The following TRAK1 variants were observed in gnomAD, a reference collection of about 807,000 sequenced individuals.
TRAK1 encodes the protein trafficking kinesin protein 1.
A neutral mutation model predicts 92.1 loss-of-function variants in TRAK1; 33 were observed. The ratio of observed to expected loss-of-function variants is 0.36; its 90% CI spans 0.27 to 0.48. The LOEUF (loss-of-function observed/expected upper bound fraction) is 0.48. Among genes scored for constraint, TRAK1 ranks in the 20% least tolerant of loss-of-function variants. TRAK1 has a pLI of 0.99. For missense variants in TRAK1, 1,123 were observed against 1,257.9 expected, an observed-to-expected ratio of 0.89 and a Z score of 1.62; for synonymous variants, 521 against 517.3, an observed-to-expected ratio of 1.01 and a Z score of -0.10.
chr3:42,126,369 TC>T (rs1710560506), intron 2 of TRAK1, among the ~76,000 whole-genome samples: 1 of 151,984 alleles, frequency 6.6e-6, no homozygotes, highest in Non-Finnish European at 1.5e-5. Context: ...GTTTGGAGAG[TC>T]CAAATATCAC....
chr3:42,150,579 G>C (rs901309152), intron 2 of TRAK1, among the ~76,000 whole-genome samples: 5 of 152,156 alleles, frequency 3.3e-5, no homozygotes, highest in African/African-American at 1.2e-4. Context: ...ATTGAGTCGG[G>C]AGTTTCAGAA....
At chr3:42,060,639 T>C (rs1473395392) in intron 1 of TRAK1, among the ~76,000 whole-genome samples, 16 of 150,938 alleles carry the variant, frequency 1.1e-4, no homozygotes, top group African/African-American at 3.7e-4. Flanking sequence ...TTTTTTTTTT[T>C]TTTTTGAGAC....
chr3:42,151,764 T>G (rs951169620), intron 2 of TRAK1, among the ~76,000 whole-genome samples: 11 of 152,238 alleles, frequency 7.2e-5, no homozygotes, highest in Admixed American at 6.5e-4. Flanking sequence ...GAAATGAAAT[T>G]TGCCCCTGTT....
intron 1 of TRAK1, among the ~76,000 whole-genome samples, chr3:42,078,859 C>G (rs917009272): frequency 2.6e-5 from 4 of 151,976 alleles, no homozygotes; most frequent in Non-Finnish European, 5.9e-5. Flanking sequence ...GTCATTGGCT[C>G]TGGAATGTGG....
chr3:42,045,018 T>C (rs951853307), intron 1 of TRAK1, among the ~76,000 whole-genome samples: 22 of 152,210 alleles, frequency 1.4e-4, no homozygotes, highest in Non-Finnish European at 1.5e-5. Flanking sequence ...TTTTGAAATG[T>C]GGTGATTAAA....
intron 1 of TRAK1, among the ~76,000 whole-genome samples, chr3:42,080,515 A>C (rs563267256): frequency 6.6e-6 from 1 of 152,218 alleles, no homozygotes; most frequent in Admixed American, 6.5e-5. Context: ...GGGCCATGCC[A>C]TCCACTCTCA....
intron 1 of TRAK1, among the ~76,000 whole-genome samples, chr3:42,119,617 G>A (rs990811896): frequency 3.3e-5 from 5 of 152,204 alleles, no homozygotes; most frequent in African/African-American, 1.2e-4. Context: ...CATTTCCTGG[G>A]CATTGCCTTT....
At position 42,157,505 on chromosome 3, in the gene TRAK1, T is replaced by C. The variant is rs1332455833; in HGVS notation, c.287-19309T>C. Among the ~76,000 whole-genome samples, 3 of 120,688 alleles carry C rather than the reference T, an allele frequency of 2.5e-5. No homozygotes were observed. The Admixed American group carries it at 2.8e-4, about 11-fold the overall frequency. The allele number at this position is 120,688 out of a possible 152,430, so 79.2% of individuals were successfully genotyped here. ...AAAAAAAAAAGGTTAACATTGGCAG[T>C]AGTGGGACCGCTCCACAGCAGACGC... is the stretch of plus-strand genomic sequence containing the variant. On this transcript the variant is annotated intron_variant, in intron 2 of 15. Coordinates refer to ENST00000327628, the MANE Select transcript of TRAK1 (RefSeq NM_001042646.3).
intron 3 of TRAK1, among the ~76,000 whole-genome samples, chr3:42,184,159 G>A (rs1704454839): frequency 6.6e-6 from 1 of 152,196 alleles, no homozygotes; most frequent in South Asian, 2.1e-4. Context: ...TGTTTCACAT[G>A]AGGCAAAAAT....
intron 14 of TRAK1, among the ~76,000 whole-genome samples, chr3:42,213,872 A>C (rs1486057965): frequency 6.6e-6 from 1 of 152,136 alleles, no homozygotes; most frequent in Non-Finnish European, 1.5e-5. Context: ...GTTTTATGGC[A>C]GTTATGAGGG....
At position 42,054,243 on chromosome 3, in the gene TRAK1, C is replaced by T. The variant is rs571165436; in HGVS notation, c.-518-32861C>T. 2.0e-5 allele frequency among the ~76,000 whole-genome samples: 3 copies of T among 152,288 alleles called. No individual in the cohort carries two copies. In the South Asian group the frequency reaches 6.2e-4, roughly 32 times the overall value. On this transcript the variant is annotated intron_variant, in intron 1 of 16. Transcript: ENST00000487159. Reference sequence around the variant, plus strand: ...ACTTTGTCAACATAATCAATAAATACTTTTGAAGTGAGTGACCTCCTTCAG... The same window carrying T: ...ACTTTGTCAACATAATCAATAAATATTTTTGAAGTGAGTGACCTCCTTCAG...
At chr3:42,214,020 A>G (rs1406962006) in intron 14 of TRAK1, among the ~76,000 whole-genome samples, 1 of 152,218 alleles carries the variant, frequency 6.6e-6, no homozygotes, top group Non-Finnish European at 1.5e-5. Flanking sequence ...CTGCAAGTGG[A>G]AAAATGAATG....
intron 1 of TRAK1, among the ~76,000 whole-genome samples, chr3:42,078,709 G>A (rs1242622755): frequency 6.7e-6 from 1 of 148,184 alleles, no homozygotes; most frequent in Non-Finnish European, 1.5e-5. Context: ...GCCAAGATCA[G>A]GCCCCTGCAC....
At chr3:42,172,510 C>T (rs148329199) in intron 2 of TRAK1, among the ~76,000 whole-genome samples, 1 of 152,260 alleles carries the variant, frequency 6.6e-6, no homozygotes, top group South Asian at 2.1e-4. Flanking sequence ...CTTGCACCCC[C>T]TCCCCCATTG....
At chr3:42,151,308 A>G (rs1350550642) in intron 2 of TRAK1, 1 of 456,076 alleles carries the variant, frequency 2.2e-6, no homozygotes, top group Non-Finnish European at 4.4e-6. Flanking sequence ...TTATCTGGGT[A>G]TCCATCAGAA....
At chr3:42,209,126 A>C (rs982797591) in intron 13 of TRAK1, among the ~76,000 whole-genome samples, 2 of 152,146 alleles carry the variant, frequency 1.3e-5, no homozygotes, top group South Asian at 2.1e-4. Flanking sequence ...TTCTTAAATC[A>C]CACCTCTTTA....
At chr3:42,118,805 C>T (rs925326273) in intron 1 of TRAK1, among the ~76,000 whole-genome samples, 2 of 152,206 alleles carry the variant, frequency 1.3e-5, no homozygotes, top group African/African-American at 2.4e-5. Context: ...ATTTTACTTT[C>T]AAAGTGATGT....
At chr3:42,167,180 C>T (rs1333249731) in intron 2 of TRAK1, among the ~76,000 whole-genome samples, 1 of 152,212 alleles carries the variant, frequency 6.6e-6, no homozygotes, top group Non-Finnish European at 1.5e-5. Flanking sequence ...GACTCATGCT[C>T]ATCTTGAGGG....
intron 5 of TRAK1, among the ~76,000 whole-genome samples, chr3:42,188,496 G>C (rs78693358): frequency 1.3e-5 from 2 of 152,210 alleles, no homozygotes; most frequent in Non-Finnish European, 2.9e-5. Context: ...GACAGAAGGC[G>C]TGGTGTCTTC....
Sources: gnomAD v4.1 joint callset for allele counts (sites outside exome capture counted in the v4.1 genomes callset) on GRCh38, gnomAD v4.1.1 for gene constraint, MANE v1.5 for transcripts, NCBI Gene and HGNC (gene_info 2026-07-23, HGNC 2026-07-21) for gene names.